The following SETBP1 variants were observed in gnomAD, a reference collection of about 807,000 sequenced individuals.
The protein encoded by SETBP1 is SET-binding protein.
In SETBP1, 9 loss-of-function variants were observed where a neutral mutation model predicts 101.0. That is an observed-to-expected ratio of 0.09 (90% CI 0.05 to 0.16). SETBP1 has a LOEUF of 0.16. Among genes scored for constraint, SETBP1 ranks in the 10% least tolerant of loss-of-function variants. The pLI, the probability that SETBP1 is intolerant of heterozygous loss-of-function variation, is 1.00. For missense variants in SETBP1, 1,858 were observed against 2,033.8 expected (o/e 0.91, Z 1.66); for synonymous variants, 818 against 788.5 (o/e 1.04, Z -0.63).
chr18:44,885,857 C>CAAAAAAAAAAAAAAAAAAAA (rs1555696149), intron 3 of SETBP1, among the ~76,000 whole-genome samples: 7 of 78,172 alleles, frequency 9.0e-5, no homozygotes, highest in Non-Finnish European at 1.2e-4. Flanking sequence ...AAAAAAAAAA[C>CAAAAAAAAAAAAAAAAAAAA]AAAAAAAAAA....
At chr18:44,958,325 C>G (rs1167261591) in intron 4 of SETBP1, among the ~76,000 whole-genome samples, 1 of 152,196 alleles carries the variant, frequency 6.6e-6, no homozygotes, top group Non-Finnish European at 1.5e-5. Flanking sequence ...TCATCTTTAG[C>G]TCCAGCCATT....
At chr18:44,740,966 TA>T (rs2070084439) in intron 2 of SETBP1, among the ~76,000 whole-genome samples, 1 of 152,234 alleles carries the variant, frequency 6.6e-6, no homozygotes. Context: ...AGGCCTGCTA[TA>T]TCTTGCATTG....
At chr18:44,717,875 A>G (rs960027212) in intron 2 of SETBP1, among the ~76,000 whole-genome samples, 4 of 152,192 alleles carry the variant, frequency 2.6e-5, no homozygotes, top group East Asian at 1.9e-4. Flanking sequence ...TCCTAAGGAC[A>G]TAGAATTTTT....
chr18:44,793,217 T>G (rs2071402786), intron 2 of SETBP1, among the ~76,000 whole-genome samples: 1 of 152,230 alleles, frequency 6.6e-6, no homozygotes. Context: ...AACCTCAGTT[T>G]TTTTATCTAT....
At chr18:44,934,828 G>A (rs954810876) in intron 3 of SETBP1, among the ~76,000 whole-genome samples, 1 of 152,152 alleles carries the variant, frequency 6.6e-6, no homozygotes, top group Admixed American at 6.5e-5. Flanking sequence ...GCTCCTAACT[G>A]CTGTACACTC....
At position 44,895,994 on chromosome 18, in the gene SETBP1, C is replaced by T. The variant is rs188321363; in HGVS notation, c.540+26711C>T. 3.9e-3 allele frequency among the ~76,000 whole-genome samples: 596 copies of T among 152,246 alleles called. 3 individuals carry two copies. The highest frequency in any genetic ancestry group is 0.014 in the African/African-American group (577 of 41,544). ...ACCCCACCCTCCTTACACACACTCC[C>T]TGATAGGAGCATGATCACTCCCTCA... On this transcript the variant is annotated intron_variant, in intron 3 of 5. Coordinates refer to ENST00000649279, the MANE Select transcript of SETBP1 (RefSeq NM_015559.3).
At chr18:44,784,104 T>G (rs1192386221) in intron 2 of SETBP1, among the ~76,000 whole-genome samples, 3 of 152,212 alleles carry the variant, frequency 2.0e-5, no homozygotes, top group African/African-American at 7.2e-5. Flanking sequence ...AATTCTCTCT[T>G]GCACTAAAAA....
At chr18:44,915,732 G>A (rs968535668) in intron 3 of SETBP1, among the ~76,000 whole-genome samples, 6 of 152,184 alleles carry the variant, frequency 3.9e-5, no homozygotes, top group Non-Finnish European at 5.9e-5. Flanking sequence ...GCAAGTACAG[G>A]CACCTGCTAC....
intron 2 of SETBP1, among the ~76,000 whole-genome samples, chr18:44,815,979 C>A (rs141635650): frequency 2.6e-5 from 4 of 152,312 alleles, no homozygotes; most frequent in African/African-American, 9.6e-5. Context: ...TCCTCTGTGA[C>A]ACCACACTGT....
At chr18:44,803,026 A>G (rs2071640668) in intron 2 of SETBP1, among the ~76,000 whole-genome samples, 1 of 152,096 alleles carries the variant, frequency 6.6e-6, no homozygotes, top group Non-Finnish European at 1.5e-5. Context: ...CTTCCAAAGC[A>G]CAGAGCCCCA....
At chr18:44,802,544 C>A (rs1429273177) in intron 2 of SETBP1, among the ~76,000 whole-genome samples, 6 of 152,154 alleles carry the variant, frequency 3.9e-5, no homozygotes, top group South Asian at 2.1e-4. Context: ...GAAAAATATT[C>A]CTAGACTTCT....
intron 2 of SETBP1, among the ~76,000 whole-genome samples, chr18:44,850,917 G>C (rs902113051): frequency 2.6e-5 from 4 of 152,192 alleles, no homozygotes; most frequent in African/African-American, 9.7e-5. Flanking sequence ...AGAGTGCTTA[G>C]TTCTGGAGAC....
intron 2 of SETBP1, among the ~76,000 whole-genome samples, chr18:44,786,457 CTG>C (rs2071240767): frequency 6.6e-6 from 1 of 152,188 alleles, no homozygotes; most frequent in Non-Finnish European, 1.5e-5. Flanking sequence ...TATGGAACTA[CTG>C]TGTACTGTTC....
chr18:44,800,952 TA>T (rs1355253428), intron 2 of SETBP1, among the ~76,000 whole-genome samples: 1 of 152,034 alleles, frequency 6.6e-6, no homozygotes, highest in East Asian at 1.9e-4. Flanking sequence ...TATGCAGCCA[TA>T]AAAAAGGATG....
Position 44,950,810 on chromosome 18 carries a change from C to G in SETBP1, c.1470C>G (p.Ile490Met). The change falls in exon 4 of 6, where the codon ATC becomes ATG. Residue 490 changes from isoleucine (I) to methionine (M), a missense_variant. By Grantham distance (10) the Ile-to-Met change is conservative (BLOSUM62 1). Transcript: ENST00000649279. The part of the protein sequence containing the change: ...LETGGNAEKV[I>M]PGGVSKPRKP... ...CTGGTGGAAATGCTGAGAAAGTTAT[C>G]CCAGGAGGTGTGTCTAAGCCGCGGA... 2 of 1,614,108 alleles carry G rather than the reference C, an allele frequency of 1.2e-6. No individual in the cohort carries two copies. The highest frequency in any genetic ancestry group is 1.7e-6 in the Non-Finnish European group (2 of 1,180,018).
At chr18:45,046,474 G>A (rs951705015) in intron 5 of SETBP1, among the ~76,000 whole-genome samples, 5 of 152,134 alleles carry the variant, frequency 3.3e-5, no homozygotes, top group Non-Finnish European at 5.9e-5. Context: ...GTCCTCCAGC[G>A]TATTGAAGAT....
rs1428266511 is a variant in SETBP1 at position 45,065,728 on chromosome 18, T to G, written c.*2030T>G. ...CTAGCAATATGTAAGTTTAAAGGAC[T>G]GCATTCCCCTCTACTTTAAAGCTTA... On this transcript the variant is annotated 3_prime_UTR_variant, in exon 6 of 6. Transcript: ENST00000649279. 1 of 152,224 alleles carries G rather than the reference T, an allele frequency of 6.6e-6. No individual in the cohort carries two copies. Among genetic ancestry groups the G allele is most frequent in the East Asian group, 1.9e-4 (1 of 5,202 alleles). The allele number at this position is 152,224 out of a possible 1,614,324, so 9.4% of individuals were successfully genotyped here.
intron 3 of SETBP1, among the ~76,000 whole-genome samples, chr18:44,883,382 A>G (rs539275993): frequency 6.6e-6 from 1 of 152,324 alleles, no homozygotes; most frequent in South Asian, 2.1e-4. Context: ...TTCTTCCTCC[A>G]TCTTTCTCCA....
chr18:44,788,724 A>G (rs962642478), intron 2 of SETBP1, among the ~76,000 whole-genome samples: 1 of 152,050 alleles, frequency 6.6e-6, no homozygotes, highest in Non-Finnish European at 1.5e-5. Context: ...TCAGTCATGA[A>G]AGTGATCATT....
Sources: gnomAD v4.1 joint callset for allele counts (sites outside exome capture counted in the v4.1 genomes callset) on GRCh38, gnomAD v4.1.1 for gene constraint, MANE v1.5 for transcripts, NCBI Gene and HGNC (gene_info 2026-07-23, HGNC 2026-07-21) for gene names.